Variants in ATL2 observed in about 807,000 individuals in gnomAD.
The protein encoded by ATL2 is atlastin GTPase 2, also known as atlastin-2.
In ATL2, 31 loss-of-function variants were observed where a neutral mutation model predicts 73.9. The observed-to-expected ratio is 0.42, with a 90% confidence interval of 0.32 to 0.57. The LOEUF (loss-of-function observed/expected upper bound fraction) is 0.57. Among genes scored for constraint, ATL2 ranks in the 20% least tolerant of loss-of-function variants. The pLI is 0.14. For missense variants in ATL2, 738 were observed against 702.6 expected, an observed-to-expected ratio of 1.05 and a Z score of -0.57; for synonymous variants, 291 against 237.5, an observed-to-expected ratio of 1.23 and a Z score of -2.07.
At chr2:38,296,517 C>G in intron 12 of ATL2, 5 of 1,613,912 alleles carry the variant, frequency 3.1e-6, no homozygotes, top group Non-Finnish European at 4.2e-6. Context: ...GGATGACAGT[C>G]TCTGTCGCTG....
At chr2:38,371,927 C>A (rs1438147579) in intron 1 of ATL2, among the ~76,000 whole-genome samples, 2 of 151,884 alleles carry the variant, frequency 1.3e-5, no homozygotes, top group Non-Finnish European at 2.9e-5. Context: ...AATAAAACAT[C>A]ATAGACCTAG....
intron 1 of ATL2, among the ~76,000 whole-genome samples, chr2:38,349,801 G>T (rs1023138888): frequency 6.6e-6 from 1 of 152,096 alleles, no homozygotes. Flanking sequence ...ACAAAGACAG[G>T]CCTTTCAAAT....
Position 38,294,536 on chromosome 2 carries a change from A to G in ATL2, c.*1458T>C, listed in dbSNP as rs999862756. Among the ~76,000 whole-genome samples, 5 of 152,146 alleles carry G rather than the reference A, an allele frequency of 3.3e-5. No homozygotes were observed. Among genetic ancestry groups the G allele is most frequent in the Admixed American group, 3.3e-4 (5 of 15,276 alleles). On this transcript the variant is annotated 3_prime_UTR_variant, in exon 13 of 13. Coordinates refer to ENST00000378954, the MANE Select transcript of ATL2 (RefSeq NM_001135673.4). ...GCACTCCAGCCTGGGTGACAGAGAG[A>G]GACTCCGTCTCAAAAAAGAAACAAA... is the stretch of plus-strand genomic sequence containing the variant.
At chr2:38,362,824 C>T (rs946916260) in intron 1 of ATL2, among the ~76,000 whole-genome samples, 3 of 152,074 alleles carry the variant, frequency 2.0e-5, no homozygotes, top group South Asian at 2.1e-4. Context: ...AAAAGTAAAG[C>T]GAGCCAAGGG....
intron 11 of ATL2, among the ~76,000 whole-genome samples, chr2:38,299,038 G>C (rs1325324689): frequency 6.6e-6 from 1 of 152,128 alleles, no homozygotes; most frequent in Non-Finnish European, 1.5e-5. Flanking sequence ...TTTCAGTAGA[G>C]TTTATATAAT....
chr2:38,294,654 G>A lies in ATL2; in HGVS notation c.*1340C>T, dbSNP rs60173549. ...ACATATACCACCAAAAAAAAAAAAA[G>A]AGAGAGAAAGAAATTAACAATCCCC... On this transcript the variant is annotated 3_prime_UTR_variant, in exon 13 of 13. Transcript: ENST00000378954. Among the ~76,000 whole-genome samples the A allele has an allele frequency of 0.1, 14,618 of 145,740 alleles. 2,160 individuals are homozygous for A. The highest frequency in any genetic ancestry group is 0.33 in the African/African-American group (12,785 of 39,200).
At chr2:38,352,133 CAAAAA>C (rs778821586) in intron 1 of ATL2, among the ~76,000 whole-genome samples, 26 of 31,996 alleles carry the variant, frequency 8.1e-4, no homozygotes, top group African/African-American at 1.3e-3. Flanking sequence ...AAACAACAAC[CAAAAA>C]AAAAAAAAAA....
chr2:38,326,319 C>T (rs1421564274), intron 2 of ATL2, among the ~76,000 whole-genome samples: 1 of 152,188 alleles, frequency 6.6e-6, no homozygotes, highest in African/African-American at 2.4e-5. Context: ...CACAGCCCAT[C>T]TCCCAACTAG....
chr2:38,326,660 CAAAGATAA>C (rs1225467253), intron 2 of ATL2, among the ~76,000 whole-genome samples: 2 of 152,114 alleles, frequency 1.3e-5, no homozygotes, highest in Non-Finnish European at 2.9e-5. Context: ...TACAGAGGAA[CAAAGATAA>C]GAATTACACT....
chr2:38,335,547 A>G (rs566880755), intron 2 of ATL2, among the ~76,000 whole-genome samples: 1 of 152,330 alleles, frequency 6.6e-6, no homozygotes, highest in African/African-American at 2.4e-5. Context: ...ACTAATCTAC[A>G]TTAATACAAG....
intron 2 of ATL2, among the ~76,000 whole-genome samples, chr2:38,327,098 G>A (rs1269826417): frequency 6.6e-6 from 1 of 151,900 alleles, no homozygotes. Flanking sequence ...TCTGTATCCA[G>A]TAAAGTTATC....
chr2:38,337,517 A>AT (rs1669438294), intron 2 of ATL2, among the ~76,000 whole-genome samples: 1 of 138,262 alleles, frequency 7.2e-6, no homozygotes, highest in Non-Finnish European at 1.5e-5. Flanking sequence ...AAAAAAAAAA[A>AT]GGCAGTTGAG....
chr2:38,356,317 C>T (rs1670664977), intron 1 of ATL2, among the ~76,000 whole-genome samples: 1 of 151,980 alleles, frequency 6.6e-6, no homozygotes, highest in Non-Finnish European at 1.5e-5. Flanking sequence ...CCTCAGCCTC[C>T]CAAGTAGTTG....
At chr2:38,315,086 C>T (rs1349372670) in intron 5 of ATL2, among the ~76,000 whole-genome samples, 198 bp downstream of exon 5, 1 of 152,036 alleles carries the variant, frequency 6.6e-6, no homozygotes, top group Non-Finnish European at 1.5e-5. Context: ...ACTTCATCTC[C>T]ACTAAAAATA....
chr2:38,368,945 C>A lies in ATL2; in HGVS notation c.118+8198G>T, dbSNP rs180790063. Among the ~76,000 whole-genome samples the A allele has an allele frequency of 1.2e-4, 19 of 152,190 alleles. No homozygotes were observed. The East Asian group carries it at 3.5e-3, about 28-fold the overall frequency. On this transcript the variant is annotated intron_variant, in intron 1 of 12. Transcript: ENST00000378954. ...CTCTAAAAAAGTAAATAAACTAATT[C>A]ACATTTTCAATTTCCATATCACTAT...
rs949705935 is a variant in ATL2, at chr2:38,296,132, G to A, written c.1633-19C>T. The A allele has an allele frequency of 1.0e-5, 16 of 1,532,164 alleles. No individual in the cohort carries two copies. In the Admixed American group the frequency reaches 2.1e-4, roughly 20 times the overall value. 94.9% of individuals were successfully genotyped at this position (1,532,164 alleles called of 1,614,324 possible). A position where few individuals can be genotyped will look rare whatever the true frequency, so the allele number is the denominator to read the frequency against. On this transcript the variant is annotated intron_variant, in intron 12 of 12. Coordinates refer to ENST00000378954, the MANE Select transcript of ATL2 (RefSeq NM_001135673.4). ...TCAATACCTGTGGTATGAGAAATGT[G>A]CAAAACAAACAAAAACATGAGGTAA...
intron 6 of ATL2, among the ~76,000 whole-genome samples, chr2:38,313,540 G>A (rs904290825): frequency 1.3e-5 from 2 of 152,080 alleles, no homozygotes; most frequent in Non-Finnish European, 2.9e-5. Context: ...CAGGACACAC[G>A]GATCATAATT....
At chr2:38,337,528 G>A (rs1304954500) in intron 2 of ATL2, among the ~76,000 whole-genome samples, 12 of 125,426 alleles carry the variant, frequency 9.6e-5, no homozygotes, top group African/African-American at 2.7e-4. Flanking sequence ...GGCAGTTGAG[G>A]CAACTTGAAA....
In ATL2 at chr2:38,294,733, G is replaced by C. The variant is rs769221431; in HGVS notation, c.*1261C>G. 1 of 151,618 alleles carries C rather than the reference G, an allele frequency of 6.6e-6. No individual in the cohort carries two copies. The highest frequency in any genetic ancestry group is 1.5e-5 in the Non-Finnish European group (1 of 67,956). 9.4% of individuals were successfully genotyped at this position (151,618 alleles called of 1,614,324 possible). A position where few individuals can be genotyped will look rare whatever the true frequency, so the allele number is the denominator to read the frequency against. On this transcript the variant is annotated 3_prime_UTR_variant, in exon 13 of 13. Transcript: ENST00000378954. Reference sequence around the variant, plus strand: ...CCCTTATAGAGACAGACACAGAAAAGTAACTTTTTACAAGCTTAGTTTTGA... The same window carrying C: ...CCCTTATAGAGACAGACACAGAAAACTAACTTTTTACAAGCTTAGTTTTGA...
Sources: gnomAD v4.1 joint callset for allele counts (sites outside exome capture counted in the v4.1 genomes callset) on GRCh38, gnomAD v4.1.1 for gene constraint, MANE v1.5 for transcripts, NCBI Gene and HGNC (gene_info 2026-07-23, HGNC 2026-07-21) for gene names.